The following CDH18 variants were observed in gnomAD, a reference collection of about 807,000 sequenced individuals.
CDH18 encodes cadherin-18.
Under a neutral mutation model 67.9 loss-of-function variants are expected in CDH18, and 31 were observed. The observed-to-expected ratio is 0.46, with a 90% CI of 0.34 to 0.62. The LOEUF is 0.62. Ranked by LOEUF, CDH18 falls within the 20% of genes least tolerant of loss-of-function variation. CDH18 has a pLI of 0.01. For synonymous variants in CDH18, 362 were observed against 347.2 expected, an observed-to-expected ratio of 1.04 and a Z score of -0.48; for missense variants, 890 against 975.5, an observed-to-expected ratio of 0.91 and a Z score of 1.17.
Position 20,424,866 on chromosome 5 carries a change from A to T in CDH18, c.-580+150596T>A, listed in dbSNP as rs1748169308. ...ATTTTCAGTCAATCAGAATCCCAGA[A>T]CCACAGAATGCAGTGAGCACATTCA... is the stretch of plus-strand genomic sequence containing the variant. On this transcript the variant is annotated intron_variant, in intron 1 of 14. Coordinates refer to the CDH18 transcript ENST00000507958. Among the ~76,000 whole-genome samples, 2 of 150,152 alleles carry T rather than the reference A, an allele frequency of 1.3e-5. 1 individual carries two copies. The highest frequency in any genetic ancestry group is 4.2e-4 in the South Asian group (2 of 4,786).
chr5:19,630,167 C>T (rs968761804), intron 5 of CDH18, among the ~76,000 whole-genome samples: 1 of 152,098 alleles, frequency 6.6e-6, no homozygotes, highest in African/African-American at 2.4e-5. Context: ...GTCTTGAACT[C>T]CTCACCTCAG....
intron 2 of CDH18, among the ~76,000 whole-genome samples, chr5:20,048,527 T>C (rs1421904819): frequency 6.6e-6 from 1 of 151,794 alleles, no homozygotes; most frequent in African/African-American, 2.4e-5. Flanking sequence ...GGTGTTGTTA[T>C]ACCCATTATT....
At chr5:19,661,795 A>G (rs1184683832) in intron 5 of CDH18, among the ~76,000 whole-genome samples, 1 of 152,104 alleles carries the variant, frequency 6.6e-6, no homozygotes, top group Non-Finnish European at 1.5e-5. Flanking sequence ...ACTCAAGCTC[A>G]GATAGAACAG....
At chr5:20,446,156 G>T (rs1280800663) in intron 1 of CDH18, among the ~76,000 whole-genome samples, 1 of 152,178 alleles carries the variant, frequency 6.6e-6, no homozygotes, top group Admixed American at 6.5e-5. Context: ...GGGTCAACTC[G>T]AAGATACAGT....
intron 2 of CDH18, among the ~76,000 whole-genome samples, chr5:20,099,534 A>C (rs1746275960): frequency 6.6e-6 from 1 of 152,174 alleles, no homozygotes; most frequent in African/African-American, 2.4e-5. Context: ...TTTTATCCAC[A>C]TAAATCATAC....
At chr5:20,422,583 T>G (rs997085520) in intron 1 of CDH18, among the ~76,000 whole-genome samples, 5 of 151,272 alleles carry the variant, frequency 3.3e-5, no homozygotes, top group Admixed American at 6.6e-5. Flanking sequence ...AAAATTTAAC[T>G]GAAGCCAGTT....
intron 2 of CDH18, among the ~76,000 whole-genome samples, chr5:20,068,731 TTGTTGA>T (rs1242539469): frequency 1.3e-5 from 2 of 152,182 alleles, no homozygotes; most frequent in Non-Finnish European, 2.9e-5. Context: ...GCTTATCCAG[TTGTTGA>T]TAACCAAATT....
chr5:20,355,138 T>G (rs1741510521), intron 1 of CDH18, among the ~76,000 whole-genome samples: 1 of 152,312 alleles, frequency 6.6e-6, no homozygotes, highest in Non-Finnish European at 1.5e-5. Context: ...CCCCTTTCTC[T>G]TAACAAGTGA....
intron 1 of CDH18, among the ~76,000 whole-genome samples, chr5:20,330,106 T>G (rs1739024515): frequency 6.6e-6 from 1 of 152,182 alleles, no homozygotes; most frequent in African/African-American, 2.4e-5. Flanking sequence ...TGTATTTTTG[T>G]TGTACTATCG....
chr5:19,720,191 A>G (rs1765899449), intron 5 of CDH18, among the ~76,000 whole-genome samples: 1 of 152,156 alleles, frequency 6.6e-6, no homozygotes, highest in Admixed American at 6.6e-5. Context: ...ATAAATCTAT[A>G]ATCTGTAGAC....
At chr5:19,838,288 T>A (rs1341232968) in intron 3 of CDH18, among the ~76,000 whole-genome samples, 1 of 152,156 alleles carries the variant, frequency 6.6e-6, no homozygotes, top group African/African-American at 2.4e-5. Context: ...TTCTAATATT[T>A]AATTATGATA....
intron 5 of CDH18, among the ~76,000 whole-genome samples, chr5:19,701,477 C>G (rs957533503): frequency 2.0e-5 from 3 of 152,004 alleles, no homozygotes; most frequent in Non-Finnish European, 4.4e-5. Context: ...TCTCCTAAGA[C>G]ACAGAGTTAT....
At chr5:20,080,249 A>G (rs1744334395) in intron 2 of CDH18, among the ~76,000 whole-genome samples, 2 of 151,812 alleles carry the variant, frequency 1.3e-5, no homozygotes, top group South Asian at 2.1e-4. Flanking sequence ...TCCTTTTTTT[A>G]TTACATTGGC....
intron 1 of CDH18, among the ~76,000 whole-genome samples, chr5:20,512,550 T>C (rs1340369814): frequency 6.6e-6 from 1 of 152,078 alleles, no homozygotes; most frequent in Non-Finnish European, 1.5e-5. Context: ...GTCCCTGTAT[T>C]TCTGTAATTT....
At chr5:20,225,824 G>T (rs1183822156) in intron 2 of CDH18, among the ~76,000 whole-genome samples, 1 of 152,102 alleles carries the variant, frequency 6.6e-6, no homozygotes, top group African/African-American at 2.4e-5. Context: ...GTACTTAGAT[G>T]TGAAATGGAA....
intron 4 of CDH18, among the ~76,000 whole-genome samples, chr5:19,744,094 T>G (rs186217477): frequency 3.9e-5 from 6 of 152,272 alleles, no homozygotes; most frequent in Admixed American, 3.3e-4. Context: ...TTTGTTTTCC[T>G]ATAGTAATGA....
intron 5 of CDH18, among the ~76,000 whole-genome samples, chr5:19,683,548 C>T (rs1406305757): frequency 6.6e-6 from 1 of 152,016 alleles, no homozygotes; most frequent in East Asian, 1.9e-4. Context: ...TAAAATTCCA[C>T]TTTTCAACCT....
chr5:20,125,356 A>G (rs1449152138), intron 2 of CDH18, among the ~76,000 whole-genome samples: 1 of 151,886 alleles, frequency 6.6e-6, no homozygotes, highest in Non-Finnish European at 1.5e-5. Context: ...GTGTGAAAAA[A>G]TTTTGAAGTT....
intron 5 of CDH18, among the ~76,000 whole-genome samples, chr5:19,653,305 T>C (rs1323365470): frequency 6.6e-6 from 1 of 152,008 alleles, no homozygotes; most frequent in African/African-American, 2.4e-5. Context: ...TTTTTCTCTC[T>C]CTAATCCCTA....
Sources: allele counts gnomAD v4.1 joint callset (sites outside exome capture counted in the v4.1 genomes callset), GRCh38; gene constraint gnomAD v4.1.1; transcripts MANE v1.5; gene names NCBI Gene and HGNC (gene_info 2026-07-23, HGNC 2026-07-21).